The following AGBL3 variants were observed in gnomAD, a reference collection of about 807,000 sequenced individuals.
AGBL3 encodes cytosolic carboxypeptidase 3.
A neutral mutation model predicts 94.5 loss-of-function variants in AGBL3; 68 were observed. The observed-to-expected ratio is 0.72, with a 90% confidence interval of 0.59 to 0.88. The LOEUF is 0.88. Among genes scored for constraint, AGBL3 ranks in the 40% least tolerant of loss-of-function variants. The probability of loss-of-function intolerance (pLI) is 0.00; values close to 1 mark genes in which losing one functional copy is unlikely to be tolerated. For missense variants in AGBL3, 934 were observed against 1,103.8 expected (o/e 0.85, Z 2.18); for synonymous variants, 354 against 370.7 (o/e 0.95, Z 0.52).
At chr7:134,997,367 G>A (rs765592541) in intron 4 of AGBL3, among the ~76,000 whole-genome samples, 1 of 152,166 alleles carries the variant, frequency 6.6e-6, no homozygotes, top group Non-Finnish European at 1.5e-5. Context: ...ATGCGGCAGG[G>A]TCCAGATGAG....
At chr7:134,998,464 A>G (rs1219602188) in intron 4 of AGBL3, among the ~76,000 whole-genome samples, 2 of 151,900 alleles carry the variant, frequency 1.3e-5, no homozygotes, top group Non-Finnish European at 2.9e-5. Context: ...TGCCTTGGCT[A>G]TTTCTCCTAT....
At chr7:134,988,133 T>C in intron 2 of AGBL3, 137 bp downstream of exon 2, 1 of 702,780 alleles carries the variant, frequency 1.4e-6, no homozygotes, top group Non-Finnish European at 2.3e-6. Context: ...TGGGAAATAA[T>C]TTGGCTGAAA....
chr7:135,114,056 A>G (rs1825989557), intron 15 of AGBL3, among the ~76,000 whole-genome samples: 1 of 152,236 alleles, frequency 6.6e-6, no homozygotes, highest in African/African-American at 2.4e-5. Flanking sequence ...AGACTAAATA[A>G]TATTCCATTG....
At chr7:135,080,068 T>C (rs1820793443) in intron 13 of AGBL3, 135 bp from the exon 14 acceptor site, 3 of 603,228 alleles carry the variant, frequency 5.0e-6, no homozygotes, top group Non-Finnish European at 8.5e-6. Context: ...AAGATAATTT[T>C]GGTCATTCTA....
At chr7:135,018,015 G>A (rs1243733844) in intron 5 of AGBL3, among the ~76,000 whole-genome samples, 1 of 152,152 alleles carries the variant, frequency 6.6e-6, no homozygotes, top group Non-Finnish European at 1.5e-5. Context: ...ATCAGTCAGG[G>A]TCTTCTCAGG....
In AGBL3 at chr7:135,063,678, A is replaced by C. The variant is rs150306696; in HGVS notation, c.1908+4443A>C. Among the ~76,000 whole-genome samples the C allele has an allele frequency of 2.3e-3, 345 of 152,170 alleles. 1 individual carries two copies. The highest frequency in any genetic ancestry group is 7.6e-3 in the African/African-American group (316 of 41,530). On this transcript the variant is annotated intron_variant, in intron 12 of 16. Transcript: ENST00000436302. ...TTATTTAATTTCCATGTTCTTGTGAATATGTCACTATTTTTCTGTTATATT... is the reference window on the plus strand; with the variant it reads ...TTATTTAATTTCCATGTTCTTGTGACTATGTCACTATTTTTCTGTTATATT...
chr7:135,004,047 A>C (rs1404423175), intron 4 of AGBL3, among the ~76,000 whole-genome samples: 1 of 151,666 alleles, frequency 6.6e-6, no homozygotes, highest in African/African-American at 2.4e-5. Flanking sequence ...TTTTCTCATT[A>C]AGCAAATTAT....
chr7:135,123,629 A>C lies in AGBL3; in HGVS notation c.2342+8018A>C, dbSNP rs145592431. ...GGTCAAAATGAAGGAAAAAATGTTA[A>C]GGGCAGCCAGAGAGAAAGGCCAGGT... On this transcript the variant is annotated intron_variant, in intron 16 of 16. Transcript: ENST00000436302. Among the ~76,000 whole-genome samples the C allele has an allele frequency of 2.6e-4, 40 of 152,316 alleles. No individual in the cohort carries two copies. In the East Asian group the frequency reaches 7.3e-3, roughly 28 times the overall value.
chr7:135,118,928 A>G (rs1826717980), intron 16 of AGBL3, among the ~76,000 whole-genome samples: 1 of 152,282 alleles, frequency 6.6e-6, no homozygotes, highest in East Asian at 1.9e-4. Context: ...GGAAAGAGTC[A>G]GTGAATTGAG....
chr7:135,106,844 G>A (rs12533023), intron 15 of AGBL3, among the ~76,000 whole-genome samples: 67,324 of 151,820 alleles, frequency 0.44, 15,552 homozygotes, highest in East Asian at 0.78. Flanking sequence ...GTTTTGTCCT[G>A]GGATTTTTTT....
At chr7:135,095,963 C>A (rs1585080064) in intron 15 of AGBL3, among the ~76,000 whole-genome samples, 1 of 152,216 alleles carries the variant, frequency 6.6e-6, no homozygotes, top group South Asian at 2.1e-4. Context: ...ATCAGCCTGG[C>A]CAACATGGTG....
intron 4 of AGBL3, among the ~76,000 whole-genome samples, chr7:135,014,039 C>CA (rs1398823931): frequency 1.3e-5 from 2 of 151,438 alleles, no homozygotes; most frequent in Non-Finnish European, 2.9e-5. Flanking sequence ...TACTAAAATA[C>CA]AAAAAAATTA....
chr7:135,008,716 A>G (rs1330630637), intron 4 of AGBL3, among the ~76,000 whole-genome samples: 2 of 152,170 alleles, frequency 1.3e-5, no homozygotes, highest in Admixed American at 1.3e-4. Flanking sequence ...CCACAGAACA[A>G]GAGAAAATAT....
intron 4 of AGBL3, among the ~76,000 whole-genome samples, chr7:135,005,136 CT>C (rs1812223330): frequency 6.6e-6 from 1 of 151,528 alleles, no homozygotes; most frequent in Admixed American, 6.6e-5. Flanking sequence ...CAATTAAGTC[CT>C]TTTAGTTTTT....
chr7:134,988,021 A>C (rs1407271629), intron 2 of AGBL3, 25 bp downstream of exon 2: 11 of 1,491,234 alleles, frequency 7.4e-6, no homozygotes, highest in Admixed American at 6.5e-5. Flanking sequence ...ACTTTATTTT[A>C]CTTGGAGATA....
At chr7:135,094,197 G>C (rs763858695) in intron 15 of AGBL3, 7 of 352,980 alleles carry the variant, frequency 2.0e-5, no homozygotes, top group Non-Finnish European at 3.9e-5. Flanking sequence ...TCTCGTTTTA[G>C]CTGCAACATG....
At chr7:135,121,475 A>G (rs1827116074) in intron 16 of AGBL3, among the ~76,000 whole-genome samples, 1 of 152,178 alleles carries the variant, frequency 6.6e-6, no homozygotes, top group Admixed American at 6.5e-5. Flanking sequence ...AACATATTTA[A>G]AAGAATTTAA....
chr7:135,032,890 A>G lies in AGBL3; in HGVS notation c.465A>G (p.Arg155=). 6.4e-7 allele frequency: 1 copy of G among 1,551,264 alleles called. No individual in the cohort carries two copies. The highest frequency in any genetic ancestry group is 8.7e-7 in the Non-Finnish European group (1 of 1,146,744). The change falls in exon 6 of 17, where the codon CGA becomes CGG. Residue 155 remains arginine (R), a synonymous_variant. Transcript: ENST00000436302. ...TGTATTCCCGAGTTGGGGGTAACCG[A>G]ACACCTTTGAAGCAGCCTGTGGATT... ...CFVYSRVGGN[R]TPLKQPVDYR... is the part of the protein sequence containing the mutation.
At chr7:135,128,615 C>T (rs1454870648) in intron 16 of AGBL3, 14 of 787,880 alleles carry the variant, frequency 1.8e-5, no homozygotes, top group Non-Finnish European at 3.2e-5. Context: ...GGGAAGAACA[C>T]CCTGGCAGCG....
Sources: gnomAD v4.1 joint callset for allele counts (sites outside exome capture counted in the v4.1 genomes callset) on GRCh38, gnomAD v4.1.1 for gene constraint, MANE v1.5 for transcripts, NCBI Gene and HGNC (gene_info 2026-07-23, HGNC 2026-07-21) for gene names.